Variants in SLC27A2 observed in about 807,000 individuals in gnomAD.
SLC27A2 encodes solute carrier family 27 member 2.
In SLC27A2, 54 loss-of-function variants were observed where a neutral mutation model predicts 60.0. The observed-to-expected ratio is 0.90, with a 90% CI of 0.72 to 1.13. The LOEUF (loss-of-function observed/expected upper bound fraction) is 1.13. Among genes scored for constraint, SLC27A2 ranks in the 50% most tolerant of loss-of-function variants. The pLI, the probability that SLC27A2 is intolerant of heterozygous loss-of-function variation, is 0.00. For synonymous variants in SLC27A2, 297 were observed against 297.6 expected (o/e 1.00, Z 0.02); for missense variants, 739 against 777.6 (o/e 0.95, Z 0.59).
chr15:50,192,735 T>C lies in SLC27A2; in HGVS notation c.479-4765T>C, dbSNP rs183568322. 8.0e-5 allele frequency among the ~76,000 whole-genome samples: 12 copies of C among 150,800 alleles called. No individual in the cohort carries two copies. In the East Asian group the frequency reaches 2.1e-3, roughly 27 times the overall value. On this transcript the variant is annotated intron_variant, in intron 1 of 9. Coordinates refer to ENST00000267842, the MANE Select transcript of SLC27A2 (RefSeq NM_003645.4). Reference sequence around the variant, plus strand: ...AATATTTCTTTGTGTGTGTATTTTTTTGTAGAGGTGTTTTGCCATGTTGCC... The same window carrying C: ...AATATTTCTTTGTGTGTGTATTTTTCTGTAGAGGTGTTTTGCCATGTTGCC...
At chr15:50,220,123 C>A (rs2045232366) in intron 4 of SLC27A2, among the ~76,000 whole-genome samples, 1 of 152,182 alleles carries the variant, frequency 6.6e-6, no homozygotes, top group Non-Finnish European at 1.5e-5. Flanking sequence ...TAATAAGATT[C>A]TTCAGCTGGA....
chr15:50,189,070 A>G (rs1266992065), intron 1 of SLC27A2, among the ~76,000 whole-genome samples: 1 of 152,186 alleles, frequency 6.6e-6, no homozygotes, highest in Non-Finnish European at 1.5e-5. Flanking sequence ...TAATGGATAG[A>G]TAATGTCTGT....
intron 4 of SLC27A2, among the ~76,000 whole-genome samples, chr15:50,215,539 G>A (rs766893876): frequency 3.3e-5 from 5 of 152,054 alleles, no homozygotes; most frequent in African/African-American, 9.7e-5. Context: ...AAATCTGGAG[G>A]CATTACATTA....
intron 4 of SLC27A2, among the ~76,000 whole-genome samples, chr15:50,209,259 T>C (rs2045136225): frequency 1.3e-5 from 2 of 152,284 alleles, no homozygotes; most frequent in South Asian, 4.1e-4. Context: ...TTTCTGTCTC[T>C]GCATCAGCTT....
chr15:50,217,580 C>G (rs28430324), intron 4 of SLC27A2, among the ~76,000 whole-genome samples: 23,009 of 152,118 alleles, frequency 0.15, 1,810 homozygotes, highest in Middle Eastern at 0.18. Context: ...CATGGGCTCA[C>G]TGCCTCGTCA....
chr15:50,193,521 C>A lies in SLC27A2; in HGVS notation c.479-3979C>A, dbSNP rs541134141. On this transcript the variant is annotated intron_variant, in intron 1 of 9. Transcript: ENST00000267842. The stretch of plus-strand genomic sequence containing the variant: ...TGACTATGGACCCTGAGTCTCATGA[C>A]AGGAGGAAAGAAAGGAGATTTCACA... Among the ~76,000 whole-genome samples the A allele has an allele frequency of 2.6e-5, 4 of 152,300 alleles. No homozygotes were observed. In the East Asian group the frequency reaches 5.8e-4, roughly 22 times the overall value.
At chr15:50,226,946 G>A (rs2045282458) in intron 6 of SLC27A2, 34 bp from the exon 7 acceptor site, 3 of 1,577,672 alleles carry the variant, frequency 1.9e-6, no homozygotes, top group Non-Finnish European at 2.6e-6. Flanking sequence ...TTGACCTCTA[G>A]CACATAAAAT....
At chr15:50,183,852 CTA>C (rs916140898) in intron 1 of SLC27A2, among the ~76,000 whole-genome samples, 26 of 152,226 alleles carry the variant, frequency 1.7e-4, no homozygotes, top group Middle Eastern at 3.4e-3. Flanking sequence ...GTGCTAAGCC[CTA>C]TAGTAGATGC....
rs778905393 is a variant in SLC27A2, at chr15:50,197,637, A to T, written c.616A>T (p.Ile206Phe). The T allele has an allele frequency of 1.2e-6, 2 of 1,614,124 alleles. No homozygotes were observed. Among genetic ancestry groups the T allele is most frequent in the Non-Finnish European group, 1.7e-6 (2 of 1,179,988 alleles). ...DKVDEVSTEP[I>F]PESWRSEVTF... ...AGTGGATGAAGTATCAACTGAACCT[A>T]TCCCAGAGTCATGGAGGTCTGAAGT... Residue 206 changes from isoleucine (I) to phenylalanine (F), a missense_variant, in exon 2 of 10, where the codon ATC becomes TTC. Coordinates refer to ENST00000267842, the MANE Select transcript of SLC27A2 (RefSeq NM_003645.4).
intron 9 of SLC27A2, among the ~76,000 whole-genome samples, chr15:50,234,869 C>T (rs2045339934): frequency 6.6e-6 from 1 of 152,194 alleles, no homozygotes; most frequent in Admixed American, 6.5e-5. Flanking sequence ...CTCACAAAGT[C>T]TGTTTGGTGA....
rs79001411 is a variant in SLC27A2 at position 50,226,246 on chromosome 15, C to T, written c.1258+168C>T. 8.5e-4 allele frequency: 444 copies of T among 522,354 alleles called. 4 individuals carry two copies. Among genetic ancestry groups the T allele is most frequent in the African/African-American group, 4.9e-3 (258 of 52,974 alleles). The allele number at this position is 522,354 out of a possible 1,614,324, so 32.4% of individuals were successfully genotyped here. ...AGGAATTCCAAAGGTGCTAATTTAC[C>T]GCTGCATGTAACATAATTCTAGTTT... On this transcript the variant is annotated intron_variant, in intron 6 of 9. Coordinates refer to ENST00000267842, the MANE Select transcript of SLC27A2 (RefSeq NM_003645.4).
chr15:50,182,625 G>C lies in SLC27A2; in HGVS notation c.198G>C (p.Thr66=), dbSNP rs147849550. ...LRAFLEKARQ[T]PHKPFLLFRD... is the part of the protein sequence containing the mutation. ...CGTTCCTGGAGAAAGCGCGCCAGACGCCACACAAGCCTTTTCTGCTCTTCC... is the reference window on the plus strand; with the variant it reads ...CGTTCCTGGAGAAAGCGCGCCAGACCCCACACAAGCCTTTTCTGCTCTTCC... Residue 66 remains threonine (T), a synonymous_variant, in exon 1 of 10, where the codon ACG becomes ACC. Transcript: ENST00000267842. 10 of 1,613,926 alleles carry C rather than the reference G, an allele frequency of 6.2e-6. No individual in the cohort carries two copies. Among genetic ancestry groups the C allele is most frequent in the Admixed American group, 3.3e-5 (2 of 60,028 alleles).
intron 1 of SLC27A2, among the ~76,000 whole-genome samples, chr15:50,188,359 T>A (rs2044942753): frequency 6.6e-6 from 1 of 152,146 alleles, no homozygotes; most frequent in Admixed American, 6.5e-5. Context: ...ATAATAGTCA[T>A]TTTTTTAAGC....
intron 4 of SLC27A2, among the ~76,000 whole-genome samples, chr15:50,208,869 T>C (rs1394527612): frequency 6.6e-6 from 1 of 152,236 alleles, no homozygotes; most frequent in African/African-American, 2.4e-5. Context: ...TCTTGCAGTG[T>C]ATGGTTGTCA....
chr15:50,197,794 A>C, intron 2 of SLC27A2, 85 bp downstream of exon 2: 4 of 933,562 alleles, frequency 4.3e-6, no homozygotes, highest in Non-Finnish European at 6.8e-6. Context: ...TTTCTTTGGC[A>C]AAACGTATTG....
chr15:50,182,631 CA>C lies in SLC27A2; in HGVS notation c.206del (p.Lys69SerfsTer57). On this transcript the variant is annotated frameshift_variant, in exon 1 of 10. Transcript: ENST00000267842. LOFTEE classifies it high-confidence loss of function. ...FLEKARQTPH[K>X]PFLLFRDETL... is the part of the protein sequence containing the mutation. ...TGGAGAAAGCGCGCCAGACGCCACA[CA>C]AGCCTTTTCTGCTCTTCCGCGACGA... is the stretch of plus-strand genomic sequence containing the variant. The C allele has an allele frequency of 6.2e-7, 1 of 1,613,986 alleles. No homozygotes were observed. The highest frequency in any genetic ancestry group is 8.5e-7 in the Non-Finnish European group (1 of 1,179,902).
At chr15:50,223,737 C>T (rs191063152) in intron 5 of SLC27A2, among the ~76,000 whole-genome samples, 5 of 152,222 alleles carry the variant, frequency 3.3e-5, no homozygotes, top group Admixed American at 3.3e-4. Flanking sequence ...TCATGGGTCT[C>T]TGTTGTCTTT....
chr15:50,194,214 C>T (rs1169342459), intron 1 of SLC27A2, among the ~76,000 whole-genome samples: 1 of 152,098 alleles, frequency 6.6e-6, no homozygotes, highest in Admixed American at 6.5e-5. Flanking sequence ...TAAATACGGG[C>T]TCCTATGGGA....
intron 4 of SLC27A2, among the ~76,000 whole-genome samples, chr15:50,216,610 G>GTGTGTGTGTGTGTGTGTATATATATA (rs1323910367): frequency 9.0e-5 from 6 of 66,480 alleles, no homozygotes; most frequent in Non-Finnish European, 1.5e-4. Context: ...GTGTGTGTGT[G>GTGTGTGTGTGTGTGTGTATATATATA]TATATATATA....
Sources: allele counts gnomAD v4.1 joint callset (sites outside exome capture counted in the v4.1 genomes callset), GRCh38; gene constraint gnomAD v4.1.1; transcripts MANE v1.5; gene names NCBI Gene and HGNC (gene_info 2026-07-23, HGNC 2026-07-21).